The following SCHIP1 variants were observed in gnomAD, a reference collection of about 807,000 sequenced individuals.
SCHIP1 encodes schwannomin-interacting protein 1.
In SCHIP1, 8 loss-of-function variants were observed where a neutral mutation model predicts 29.7. The ratio of observed to expected loss-of-function variants is 0.27; its 90% CI spans 0.16 to 0.49. The LOEUF (loss-of-function observed/expected upper bound fraction) is 0.49, where lower values mean the gene tolerates loss of function less well. Among genes scored for constraint, SCHIP1 ranks in the 20% least tolerant of loss-of-function variants. The probability of loss-of-function intolerance (pLI) is 0.99; values close to 1 mark genes in which losing one functional copy is unlikely to be tolerated. For synonymous variants in SCHIP1, 76 were observed against 94.9 expected, an observed-to-expected ratio of 0.80 and a Z score of 1.16; for missense variants, 193 against 294.6, an observed-to-expected ratio of 0.66 and a Z score of 2.52.
chr3:159,544,592 T>C, the SCHIP1 span, among the ~76,000 whole-genome samples: 2 of 152,130 alleles, frequency 1.3e-5, no homozygotes, highest in Non-Finnish European at 2.9e-5. Flanking sequence ...TTATTTTCCC[T>C]GAAGACTGAT....
the SCHIP1 span, among the ~76,000 whole-genome samples, chr3:159,538,947 A>G: frequency 6.6e-6 from 1 of 152,142 alleles, no homozygotes; most frequent in African/African-American, 2.4e-5. Flanking sequence ...CAAACAAAGT[A>G]ATCTTACAGA....
the SCHIP1 span, among the ~76,000 whole-genome samples, chr3:159,392,317 T>C: frequency 3.3e-5 from 5 of 152,212 alleles, no homozygotes; most frequent in Admixed American, 2.6e-4. Context: ...CTTTTTTTCC[T>C]TTTATTATTA....
At chr3:159,879,033 TTTAC>T (rs1335974597) in intron 2 of SCHIP1, among the ~76,000 whole-genome samples, 1 of 151,448 alleles carries the variant, frequency 6.6e-6, no homozygotes, top group Non-Finnish European at 1.5e-5. Context: ...CCTTCTTTCT[TTTAC>T]TTAACAGTCG....
At chr3:159,406,138 C>T in the SCHIP1 span, among the ~76,000 whole-genome samples, 1 of 151,396 alleles carries the variant, frequency 6.6e-6, no homozygotes, top group African/African-American at 2.4e-5. Flanking sequence ...GAACAGCAAA[C>T]AGATTTATCC....
intron 2 of SCHIP1, among the ~76,000 whole-genome samples, chr3:159,878,049 A>C (rs923776282): frequency 6.6e-6 from 1 of 152,206 alleles, no homozygotes; most frequent in East Asian, 1.9e-4. Flanking sequence ...CAAAAACAAA[A>C]GTCCCTGCAT....
chr3:159,797,026 C>T, the SCHIP1 span, among the ~76,000 whole-genome samples: 1 of 152,232 alleles, frequency 6.6e-6, no homozygotes, highest in Non-Finnish European at 1.5e-5. Flanking sequence ...TCCACATCTA[C>T]ATGTTCAACC....
the SCHIP1 span, among the ~76,000 whole-genome samples, chr3:159,593,875 C>A: frequency 1.3e-5 from 2 of 152,116 alleles, no homozygotes; most frequent in Admixed American, 1.3e-4. Flanking sequence ...TAGTGTAGGG[C>A]AAAAGCCCCC....
chr3:159,494,776 G>C, the SCHIP1 span, among the ~76,000 whole-genome samples: 17,675 of 152,074 alleles, frequency 0.12, 1,069 homozygotes, highest in South Asian at 0.16. Flanking sequence ...CATCCTGATA[G>C]CAAAGCCTGG....
chr3:159,783,536 A>C, the SCHIP1 span, among the ~76,000 whole-genome samples: 2 of 152,220 alleles, frequency 1.3e-5, no homozygotes, highest in African/African-American at 4.8e-5. Flanking sequence ...CAATAAAATA[A>C]TCTTGCAATT....
At chr3:159,536,878 C>G in the SCHIP1 span, among the ~76,000 whole-genome samples, 3 of 152,166 alleles carry the variant, frequency 2.0e-5, no homozygotes, top group African/African-American at 4.8e-5. Context: ...AATTATTTCA[C>G]TACATTTTAC....
At chr3:159,656,192 C>T in the SCHIP1 span, among the ~76,000 whole-genome samples, 1 of 152,162 alleles carries the variant, frequency 6.6e-6, no homozygotes, top group Non-Finnish European at 1.5e-5. Flanking sequence ...TGAGTACCTA[C>T]GATCTGTCAG....
chr3:159,307,247 G>GTT, the SCHIP1 span, among the ~76,000 whole-genome samples: 2 of 152,194 alleles, frequency 1.3e-5, no homozygotes, highest in Non-Finnish European at 2.9e-5. Flanking sequence ...AGAGTACAGG[G>GTT]TTTAGATTTG....
chr3:159,643,838 A>G, the SCHIP1 span, among the ~76,000 whole-genome samples: 1 of 151,952 alleles, frequency 6.6e-6, no homozygotes, highest in Non-Finnish European at 1.5e-5. Context: ...CATCCAACAT[A>G]TGTTGACTTT....
At chr3:159,828,388 C>CGTATATATATGTAT in the SCHIP1 span, among the ~76,000 whole-genome samples, 19 of 65,378 alleles carry the variant, frequency 2.9e-4, no homozygotes, top group African/African-American at 8.7e-4. Flanking sequence ...TATATATATA[C>CGTATATATATGTAT]ATATATACGT....
chr3:159,626,594 T>C, the SCHIP1 span, among the ~76,000 whole-genome samples: 2 of 152,222 alleles, frequency 1.3e-5, no homozygotes, highest in East Asian at 3.9e-4. Context: ...GGTTAAAAAA[T>C]TTATCCACCA....
At chr3:159,275,253 C>G in the SCHIP1 span, 1 of 228,344 alleles carries the variant, frequency 4.4e-6, no homozygotes, top group Non-Finnish European at 7.2e-6. Context: ...TTTCATTTCC[C>G]AAAATTTTAT....
chr3:159,310,246 A>G, the SCHIP1 span, among the ~76,000 whole-genome samples: 765 of 152,308 alleles, frequency 5.0e-3, 8 homozygotes, highest in African/African-American at 0.017. Flanking sequence ...ACAAGAAATA[A>G]AAGAGCCACA....
chr3:159,275,114 C>G, the SCHIP1 span: 3 of 952,546 alleles, frequency 3.1e-6, no homozygotes, highest in African/African-American at 5.3e-5. Flanking sequence ...TAAAGGAGAC[C>G]TTAGTATACA....
In SCHIP1 at chr3:159,896,906, A is replaced by G. The variant is rs150976864; in HGVS notation, c.*132A>G. ...TGATAATGTCTGAAGCTTAATGTCC[A>G]GTGATTGGCCTTTGCTTCTTAATTT... On this transcript the variant is annotated 3_prime_UTR_variant, in exon 7 of 7. Coordinates refer to ENST00000445224, the Ensembl canonical transcript of SCHIP1. 134 of 899,072 alleles carry G rather than the reference A, an allele frequency of 1.5e-4. 1 individual carries two copies. The African/African-American group carries it at 2.0e-3, about 14-fold the overall frequency. 55.7% of individuals were successfully genotyped at this position (899,072 alleles called of 1,614,324 possible).
Sources: gnomAD v4.1 joint callset for allele counts (sites outside exome capture counted in the v4.1 genomes callset) on GRCh38, gnomAD v4.1.1 for gene constraint, MANE v1.5 for transcripts, NCBI Gene and HGNC (gene_info 2026-07-23, HGNC 2026-07-21) for gene names.